The following DPP6 variants were observed in gnomAD, a reference collection of about 807,000 sequenced individuals.
The protein encoded by DPP6 is A-type potassium channel modulatory protein DPP6.
DPP6 carries 69 observed loss-of-function variants against 122.6 expected under a neutral mutation model. That is an observed-to-expected ratio of 0.56 (90% CI 0.46 to 0.69). DPP6 has a LOEUF of 0.69. Ranked by LOEUF, DPP6 falls within the 30% of genes least tolerant of loss-of-function variation. The probability of loss-of-function intolerance (pLI) is 0.00; values close to 1 mark genes in which losing one functional copy is unlikely to be tolerated. For missense variants in DPP6, 928 were observed against 1,116.9 expected (o/e 0.83, Z 2.41); for synonymous variants, 418 against 433.1 (o/e 0.97, Z 0.43).
At chr7:154,343,208 A>T (rs1228150091) in intron 1 of DPP6, among the ~76,000 whole-genome samples, 1 of 152,210 alleles carries the variant, frequency 6.6e-6, no homozygotes, top group East Asian at 1.9e-4. Context: ...CTGCAACGCC[A>T]CACACTTTGT....
At chr7:154,664,474 C>T (rs1453321104) in intron 6 of DPP6, among the ~76,000 whole-genome samples, 1 of 152,206 alleles carries the variant, frequency 6.6e-6, no homozygotes, top group Admixed American at 6.5e-5. Context: ...ATGTCCCACT[C>T]TGCCCTCTGT....
the DPP6 span, among the ~76,000 whole-genome samples, chr7:153,768,644 C>T: frequency 6.6e-6 from 1 of 152,020 alleles, no homozygotes; most frequent in Non-Finnish European, 1.5e-5. Context: ...GCTTATTGGC[C>T]ATGTATATTG....
intron 1 of DPP6, among the ~76,000 whole-genome samples, chr7:154,431,019 C>G (rs530333598): frequency 1.3e-5 from 2 of 152,300 alleles, no homozygotes; most frequent in South Asian, 4.1e-4. Flanking sequence ...ACGGCGCTTA[C>G]TTTGATTGGC....
chr7:154,215,715 G>C (rs1409317973), intron 1 of DPP6, among the ~76,000 whole-genome samples: 1 of 151,994 alleles, frequency 6.6e-6, no homozygotes, highest in Non-Finnish European at 1.5e-5. Context: ...CACCTAAGTA[G>C]GCTGGCCCAG....
At chr7:153,785,191 A>G in the DPP6 span, among the ~76,000 whole-genome samples, 19 of 152,196 alleles carry the variant, frequency 1.2e-4, no homozygotes, top group Admixed American at 5.2e-4. Flanking sequence ...AGAGCTGGTT[A>G]TCATGGACTG....
intron 1 of DPP6, among the ~76,000 whole-genome samples, chr7:154,043,045 G>T (rs1799840334): frequency 6.6e-6 from 1 of 152,152 alleles, no homozygotes; most frequent in Non-Finnish European, 1.5e-5. Context: ...TAGGCTTGAA[G>T]TTTTTTGATT....
intron 8 of DPP6, among the ~76,000 whole-genome samples, chr7:154,747,758 C>T (rs1028491799): frequency 2.0e-5 from 3 of 152,130 alleles, no homozygotes; most frequent in Admixed American, 6.6e-5. Flanking sequence ...CAGCTGCTCC[C>T]CCAGCCTCAG....
intron 1 of DPP6, among the ~76,000 whole-genome samples, chr7:154,359,476 A>G (rs1270541355): frequency 6.6e-6 from 1 of 151,834 alleles, no homozygotes; most frequent in Non-Finnish European, 1.5e-5. Context: ...CTCCTCACCT[A>G]TGCTCCTGGC....
At chr7:154,496,933 C>A (rs1473454911) in intron 3 of DPP6, among the ~76,000 whole-genome samples, 1 of 152,144 alleles carries the variant, frequency 6.6e-6, no homozygotes, top group African/African-American at 2.4e-5. Flanking sequence ...AAAATTTACT[C>A]CCATCTTTAA....
At chr7:154,555,552 C>T (rs1359676050) in intron 4 of DPP6, among the ~76,000 whole-genome samples, 6 of 152,066 alleles carry the variant, frequency 3.9e-5, no homozygotes, top group South Asian at 2.1e-4. Context: ...ACCAACATGG[C>T]ACATGTATAC....
rs1441801599 is a variant in DPP6, at chr7:154,282,688, T to C, written c.244-163526T>C. Among the ~76,000 whole-genome samples, 1 of 152,250 alleles carries C rather than the reference T, an allele frequency of 6.6e-6. No individual in the cohort carries two copies. The highest frequency in any genetic ancestry group is 6.5e-5 in the Admixed American group (1 of 15,288). ...AGGAATTTGCACAGAGTGGTTTGTT[T>C]ATACTAGTTAGGCATCAAAAAGACC... On this transcript the variant is annotated intron_variant, in intron 1 of 25. Coordinates refer to ENST00000377770, the MANE Select transcript of DPP6 (RefSeq NM_130797.4). This position sits in a 1 kb window ranked among gnomAD's most constrained non-coding sequence, Gnocchi z 4.8.
At chr7:153,914,791 C>T (rs75522816) in intron 1 of DPP6, among the ~76,000 whole-genome samples, 4,963 of 152,170 alleles carry the variant, frequency 0.033, 145 homozygotes, top group East Asian at 0.16. Flanking sequence ...GAGTGCATCA[C>T]CCAAGAAAGC....
intron 5 of DPP6, among the ~76,000 whole-genome samples, chr7:154,625,318 CTT>C (rs11306187): frequency 2.0e-5 from 3 of 146,768 alleles, no homozygotes; most frequent in South Asian, 2.2e-4. Context: ...CACACAGACA[CTT>C]TTTTTTTTTT....
At chr7:153,757,260 T>A in the DPP6 span, among the ~76,000 whole-genome samples, 9 of 152,324 alleles carry the variant, frequency 5.9e-5, 1 homozygote, top group South Asian at 6.2e-4. Context: ...TTTATGAAAA[T>A]TTCAAATGCA....
At chr7:153,860,437 G>C in the DPP6 span, among the ~76,000 whole-genome samples, 2 of 152,096 alleles carry the variant, frequency 1.3e-5, no homozygotes. Flanking sequence ...AGTGAGGCCA[G>C]AGCGTTTGCA....
intron 1 of DPP6, among the ~76,000 whole-genome samples, chr7:154,245,279 G>C (rs967319821): frequency 6.6e-6 from 1 of 151,850 alleles, no homozygotes; most frequent in South Asian, 2.1e-4. Flanking sequence ...TAAATACAGA[G>C]ACACAGATAG....
intron 1 of DPP6, among the ~76,000 whole-genome samples, chr7:154,108,586 G>A (rs1311097228): frequency 6.6e-6 from 1 of 152,124 alleles, no homozygotes; most frequent in Non-Finnish European, 1.5e-5. Context: ...ACAAACTTGT[G>A]AGCTGAACTT....
At chr7:154,431,202 C>T (rs190390945) in intron 1 of DPP6, among the ~76,000 whole-genome samples, 38 of 152,240 alleles carry the variant, frequency 2.5e-4, no homozygotes, top group Middle Eastern at 3.4e-3. Flanking sequence ...CCACAGGCCA[C>T]CAGGGGGAAG....
chr7:154,324,791 C>T (rs191070606), intron 1 of DPP6, among the ~76,000 whole-genome samples: 45 of 151,926 alleles, frequency 3.0e-4, no homozygotes, highest in Middle Eastern at 3.4e-3. Flanking sequence ...TTATGTGGTC[C>T]GTCCTCACAA....
Sources: gnomAD v4.1 joint callset for allele counts (sites outside exome capture counted in the v4.1 genomes callset) on GRCh38, gnomAD v4.1.1 for gene constraint, Gnocchi (gnomAD v3.1) non-coding constraint, MANE v1.5 for transcripts, NCBI Gene and HGNC (gene_info 2026-07-23, HGNC 2026-07-21) for gene names.